Variants in DCDC2C observed in about 807,000 individuals in gnomAD.
The protein encoded by DCDC2C is doublecortin domain containing 2C.
A neutral mutation model predicts 45.0 loss-of-function variants in DCDC2C; 44 were observed. That is an observed-to-expected ratio of 0.98 (90% CI 0.77 to 1.26). The LOEUF (loss-of-function observed/expected upper bound fraction) is 1.26. Ranked by LOEUF, DCDC2C falls within the 50% of genes most tolerant of loss-of-function variation. The pLI, the probability that DCDC2C is intolerant of heterozygous loss-of-function variation, is 0.00. For synonymous variants in DCDC2C, 187 were observed against 178.8 expected (o/e 1.05, Z -0.37); for missense variants, 447 against 468.9 (o/e 0.95, Z 0.43).
At chr2:3,846,850 G>T (rs993175701) in intron 10 of DCDC2C, among the ~76,000 whole-genome samples, 2 of 152,218 alleles carry the variant, frequency 1.3e-5, no homozygotes, top group Non-Finnish European at 2.9e-5. Flanking sequence ...AGGGGCAGAG[G>T]AATGTGAAGC....
At chr2:3,840,426 G>A (rs1672184764) in intron 10 of DCDC2C, among the ~76,000 whole-genome samples, 1 of 152,212 alleles carries the variant, frequency 6.6e-6, no homozygotes, top group African/African-American at 2.4e-5. Flanking sequence ...TTTTCGGCGG[G>A]GGTTGGGGGA....
chr2:3,842,641 A>AAC (rs2148247829), intron 10 of DCDC2C, among the ~76,000 whole-genome samples: 1 of 151,726 alleles, frequency 6.6e-6, no homozygotes, highest in Admixed American at 6.6e-5. Flanking sequence ...TTGCAGTAAA[A>AAC]AAAAAAAAAA....
chr2:3,796,943 G>C lies in DCDC2C; in HGVS notation c.1065+11843G>C, dbSNP rs182733339. On this transcript the variant is annotated intron_variant, in intron 10 of 10. Transcript: ENST00000399143. ...TGATTGAAATAGTTTCAGAAGGAATGGTACCAGTTCCTCCTTGTACCTCTG... is the reference window on the plus strand; with the variant it reads ...TGATTGAAATAGTTTCAGAAGGAATCGTACCAGTTCCTCCTTGTACCTCTG... Among the ~76,000 whole-genome samples the C allele has an allele frequency of 7.7e-3, 1,178 of 152,282 alleles. 13 individuals carry two copies. Among genetic ancestry groups the C allele is most frequent in the African/African-American group, 0.027 (1,131 of 41,556 alleles).
intron 10 of DCDC2C, among the ~76,000 whole-genome samples, chr2:3,791,534 A>G (rs1214420433): frequency 6.6e-6 from 1 of 152,244 alleles, no homozygotes; most frequent in Non-Finnish European, 1.5e-5. Flanking sequence ...AACAAAGATC[A>G]GCGGATGCAG....
At chr2:3,779,635 G>A (rs144127703) in intron 9 of DCDC2C, among the ~76,000 whole-genome samples, 134 of 152,344 alleles carry the variant, frequency 8.8e-4, no homozygotes, top group African/African-American at 3.0e-3. Context: ...TTTGGCGGCA[G>A]TCAGGGAGCT....
At chr2:3,824,763 T>A (rs909401037) in intron 10 of DCDC2C, among the ~76,000 whole-genome samples, 1 of 152,128 alleles carries the variant, frequency 6.6e-6, no homozygotes, top group Non-Finnish European at 1.5e-5. Flanking sequence ...AGACTTCTGA[T>A]ACTTGTCACT....
At chr2:3,829,785 C>T (rs1671909467) in intron 10 of DCDC2C, among the ~76,000 whole-genome samples, 1 of 152,156 alleles carries the variant, frequency 6.6e-6, no homozygotes, top group Non-Finnish European at 1.5e-5. Flanking sequence ...GTTTCGGGGC[C>T]TTCGGTTCTC....
At chr2:3,830,835 C>G (rs1671931995) in intron 10 of DCDC2C, among the ~76,000 whole-genome samples, 1 of 152,154 alleles carries the variant, frequency 6.6e-6, no homozygotes, top group Non-Finnish European at 1.5e-5. Context: ...TTCTTTGCCT[C>G]AGATACTTTG....
chr2:3,712,278 G>C (rs1048179055), intron 2 of DCDC2C, among the ~76,000 whole-genome samples: 2 of 152,104 alleles, frequency 1.3e-5, no homozygotes, highest in Admixed American at 6.5e-5. Flanking sequence ...ACTCCCAGTG[G>C]CATCACTACT....
intron 10 of DCDC2C, among the ~76,000 whole-genome samples, chr2:3,809,749 C>A (rs760579099): frequency 6.6e-6 from 1 of 152,274 alleles, no homozygotes; most frequent in African/African-American, 2.4e-5. Flanking sequence ...CCCTTACCCC[C>A]AACCCCCAAC....
intron 6 of DCDC2C, among the ~76,000 whole-genome samples, chr2:3,763,056 T>A (rs554555586): frequency 6.6e-6 from 1 of 152,250 alleles, no homozygotes; most frequent in East Asian, 1.9e-4. Flanking sequence ...GTCTGTACAC[T>A]GCCCACTGAT....
intron 3 of DCDC2C, among the ~76,000 whole-genome samples, chr2:3,738,951 C>T (rs780965357): frequency 7.2e-5 from 11 of 152,246 alleles, no homozygotes; most frequent in East Asian, 1.9e-4. Flanking sequence ...ATCATCGGAC[C>T]CTGAACAACA....
intron 10 of DCDC2C, among the ~76,000 whole-genome samples, chr2:3,833,942 C>T (rs1558247917): frequency 6.6e-6 from 1 of 152,184 alleles, no homozygotes; most frequent in Non-Finnish European, 1.5e-5. Flanking sequence ...TATGTGACAA[C>T]ACCGATTTTG....
At chr2:3,744,084 T>C (rs1255913602) in intron 4 of DCDC2C, among the ~76,000 whole-genome samples, 2 of 151,594 alleles carry the variant, frequency 1.3e-5, no homozygotes, top group Non-Finnish European at 2.9e-5. Context: ...GGACATGGAA[T>C]GGGAGGATTG....
intron 10 of DCDC2C, among the ~76,000 whole-genome samples, chr2:3,835,293 T>C (rs1398585417): frequency 1.3e-5 from 2 of 152,246 alleles, no homozygotes; most frequent in Non-Finnish European, 1.5e-5. Context: ...TTTCTCTTTT[T>C]TGAATTATTA....
intron 8 of DCDC2C, among the ~76,000 whole-genome samples, chr2:3,772,689 G>T (rs80238052): frequency 1.7e-5 from 2 of 115,758 alleles, no homozygotes; most frequent in Admixed American, 1.7e-4. Flanking sequence ...GTTCTCACTT[G>T]TTCAGCCTTT....
At chr2:3,767,964 CT>C in intron 7 of DCDC2C, 84 bp downstream of exon 7, 1 of 1,300,828 alleles carries the variant, frequency 7.7e-7, no homozygotes, top group Non-Finnish European at 1.0e-6. Context: ...TCAGAGAAAT[CT>C]TATACTCCAG....
chr2:3,747,090 A>G (rs961024734), intron 4 of DCDC2C, among the ~76,000 whole-genome samples: 8 of 152,282 alleles, frequency 5.3e-5, no homozygotes, highest in East Asian at 1.9e-4. Flanking sequence ...GGCTACATGC[A>G]GAGTTTTACG....
At chr2:3,751,031 G>A (rs1669528609) in intron 4 of DCDC2C, among the ~76,000 whole-genome samples, 2 of 152,090 alleles carry the variant, frequency 1.3e-5, no homozygotes, top group South Asian at 4.1e-4. Context: ...TCCACGACTT[G>A]TGTTTCACAT....
Sources: allele counts gnomAD v4.1 joint callset (sites outside exome capture counted in the v4.1 genomes callset), GRCh38; gene constraint gnomAD v4.1.1; transcripts MANE v1.5; gene names NCBI Gene and HGNC (gene_info 2026-07-23, HGNC 2026-07-21).